The following LSAMP variants were observed in gnomAD, a reference collection of about 807,000 sequenced individuals.
The protein encoded by LSAMP is limbic system associated membrane protein, also known as limbic system-associated membrane protein.
Under a neutral mutation model 38.6 loss-of-function variants are expected in LSAMP, and 7 were observed. The observed-to-expected ratio is 0.18, with a 90% CI of 0.10 to 0.34. The LOEUF (loss-of-function observed/expected upper bound fraction) is 0.34, where lower values mean the gene tolerates loss of function less well. Among genes scored for constraint, LSAMP ranks in the 10% least tolerant of loss-of-function variants. The probability of loss-of-function intolerance (pLI) is 1.00; values close to 1 mark genes in which losing one functional copy is unlikely to be tolerated. For missense variants in LSAMP, 313 were observed against 420.0 expected (o/e 0.75, Z 2.23); for synonymous variants, 154 against 166.8 (o/e 0.92, Z 0.59).
At chr3:116,214,499 C>CTTTTTTTTTTTT (rs59630662) in intron 1 of LSAMP, among the ~76,000 whole-genome samples, 1 of 103,284 alleles carries the variant, frequency 9.7e-6, no homozygotes, top group African/African-American at 3.9e-5. Context: ...AAAAATGGGT[C>CTTTTTTTTTTTT]TTTTTTTTTT....
chr3:116,269,336 AAC>A (rs2046939139), intron 1 of LSAMP, among the ~76,000 whole-genome samples: 1 of 151,660 alleles, frequency 6.6e-6, no homozygotes, highest in Non-Finnish European at 1.5e-5. Context: ...TAAAATATGC[AAC>A]ACACATATTA....
intron 6 of LSAMP, among the ~76,000 whole-genome samples, chr3:115,821,424 C>T (rs1178418665): frequency 2.0e-5 from 3 of 152,180 alleles, no homozygotes. Flanking sequence ...AGTTCATTTG[C>T]ATTCACATGT....
intron 3 of LSAMP, among the ~76,000 whole-genome samples, chr3:115,861,964 A>G (rs938951253): frequency 6.6e-6 from 1 of 152,234 alleles, no homozygotes; most frequent in African/African-American, 2.4e-5. Context: ...GGTGCGGGGA[A>G]GAAGAGCAAA....
At chr3:116,392,004 C>A (rs1011009801) in intron 1 of LSAMP, among the ~76,000 whole-genome samples, 3 of 152,194 alleles carry the variant, frequency 2.0e-5, no homozygotes, top group African/African-American at 7.2e-5. Context: ...ATGGGCAGGG[C>A]CATGAGCCTG....
intron 1 of LSAMP, among the ~76,000 whole-genome samples, chr3:116,301,816 C>CAAGA (rs1204427214): frequency 6.6e-6 from 1 of 152,078 alleles, no homozygotes; most frequent in Non-Finnish European, 1.5e-5. Flanking sequence ...ATAGAGCAAG[C>CAAGA]AAGATATTTT....
In LSAMP at chr3:115,841,970, T is replaced by C. The variant is rs1339997547; in HGVS notation, c.794A>G (p.Glu265Gly). The change falls in exon 6 of 7, where the codon GAG (glutamate) becomes GGG (glycine). Residue 265 changes from glutamate to glycine, a missense_variant. By Grantham distance (98) the Glu-to-Gly change is moderately conservative. Transcript: ENST00000490035. ...DTRINSANGL[E>G]IKSTEGQSSL... ...AGACTGGCCCTCCGTGCTCTTAATC[T>C]CAAGGCCATTGGCACTATTTATCCT... The C allele has an allele frequency of 6.2e-7, 1 of 1,613,108 alleles. No homozygotes were observed. Among genetic ancestry groups the C allele is most frequent in the African/African-American group, 1.3e-5 (1 of 74,890 alleles).
At chr3:116,144,450 G>A (rs562243991) in intron 1 of LSAMP, among the ~76,000 whole-genome samples, 7 of 152,014 alleles carry the variant, frequency 4.6e-5, no homozygotes, top group African/African-American at 1.7e-4. Context: ...CTGAGTCCAG[G>A]AGGATGAGGC....
chr3:116,308,385 T>C (rs1462575624), intron 1 of LSAMP, among the ~76,000 whole-genome samples: 1 of 152,096 alleles, frequency 6.6e-6, no homozygotes. Context: ...TGTCTTGATC[T>C]TCTCTGTATC....
At chr3:116,402,267 T>A (rs1040169009) in intron 1 of LSAMP, among the ~76,000 whole-genome samples, 16 of 152,238 alleles carry the variant, frequency 1.1e-4, no homozygotes, top group Non-Finnish European at 2.9e-5. Context: ...CATTAAGGTA[T>A]GATTTGCCAT....
chr3:116,083,329 C>A (rs1707912344), intron 2 of LSAMP, among the ~76,000 whole-genome samples: 1 of 152,188 alleles, frequency 6.6e-6, no homozygotes, highest in African/African-American at 2.4e-5. Context: ...TCTCCAGACA[C>A]TGGACTAGAG....
intron 2 of LSAMP, among the ~76,000 whole-genome samples, chr3:116,052,493 G>A (rs1285462289): frequency 2.0e-5 from 3 of 152,084 alleles, no homozygotes; most frequent in Non-Finnish European, 4.4e-5. Context: ...TAATATAAAT[G>A]TACTATAAGG....
chr3:116,419,891 T>C (rs368927265), intron 1 of LSAMP, among the ~76,000 whole-genome samples: 1 of 152,208 alleles, frequency 6.6e-6, no homozygotes, highest in South Asian at 2.1e-4. Flanking sequence ...TTTATCATAA[T>C]ACCTTTTACA....
intron 1 of LSAMP, among the ~76,000 whole-genome samples, chr3:116,408,606 T>C (rs1033154815): frequency 6.6e-6 from 1 of 152,062 alleles, no homozygotes; most frequent in Non-Finnish European, 1.5e-5. Flanking sequence ...AATAGGCATG[T>C]AATCCTCATA....
chr3:116,337,985 A>T (rs2107749331), intron 1 of LSAMP, among the ~76,000 whole-genome samples: 1 of 152,192 alleles, frequency 6.6e-6, no homozygotes, highest in East Asian at 1.9e-4. Context: ...AAAACACCCA[A>T]GAGGATAGAA....
chr3:116,105,191 C>A (rs1054920793), intron 1 of LSAMP, among the ~76,000 whole-genome samples: 41 of 142,424 alleles, frequency 2.9e-4, no homozygotes, highest in Admixed American at 8.9e-4. Context: ...AAAAAAAAAA[C>A]TGCCACAGCT....
At chr3:115,878,021 A>G (rs1040305369) in intron 3 of LSAMP, among the ~76,000 whole-genome samples, 2 of 152,126 alleles carry the variant, frequency 1.3e-5, no homozygotes, top group Admixed American at 6.6e-5. Context: ...CATCAGGCCA[A>G]TGAGCTCCAT....
intron 3 of LSAMP, among the ~76,000 whole-genome samples, chr3:115,971,311 T>A (rs935882404): frequency 1.3e-5 from 2 of 152,114 alleles, no homozygotes; most frequent in African/African-American, 4.8e-5. Context: ...AAAACAGAGA[T>A]CCAAAACAAG....
At chr3:116,286,909 G>T (rs1195536908) in intron 1 of LSAMP, among the ~76,000 whole-genome samples, 2 of 142,836 alleles carry the variant, frequency 1.4e-5, no homozygotes, top group African/African-American at 2.7e-5. Flanking sequence ...AAAAAAAAAG[G>T]TAACTAGGGC....
At chr3:116,333,655 ACT>A (rs1409834657) in intron 1 of LSAMP, among the ~76,000 whole-genome samples, 3 of 152,164 alleles carry the variant, frequency 2.0e-5, no homozygotes, top group African/African-American at 2.4e-5. Context: ...TAAATAACAC[ACT>A]CTTAAATAAT....
Sources: gnomAD v4.1 joint callset for allele counts (sites outside exome capture counted in the v4.1 genomes callset) on GRCh38, gnomAD v4.1.1 for gene constraint, MANE v1.5 for transcripts, NCBI Gene and HGNC (gene_info 2026-07-23, HGNC 2026-07-21) for gene names.